The following WDR33 variants were observed in gnomAD, a reference collection of about 807,000 sequenced individuals.
WDR33 encodes WD repeat domain 33, also known as pre-mRNA 3' end processing protein WDR33.
WDR33 carries 47 observed loss-of-function variants against 164.9 expected under a neutral mutation model. The ratio of observed to expected loss-of-function variants is 0.29; its 90% confidence interval spans 0.23 to 0.36. WDR33 has a LOEUF of 0.36. WDR33 is among the 10% of genes least tolerant of loss of function. The pLI, the probability that WDR33 is intolerant of heterozygous loss-of-function variation, is 1.00. For missense variants in WDR33, 1,137 were observed against 1,754.1 expected (o/e 0.65, Z 6.28); for synonymous variants, 505 against 589.0 (o/e 0.86, Z 2.06).
intron 1 of WDR33, among the ~76,000 whole-genome samples, chr2:127,785,890 C>A (rs1056928020): frequency 6.6e-6 from 1 of 152,174 alleles, no homozygotes; most frequent in Non-Finnish European, 1.5e-5. Context: ...TAAGAAACTG[C>A]CTAACTATAT....
At chr2:127,729,351 T>C (rs1223949202) in intron 7 of WDR33, among the ~76,000 whole-genome samples, 2 of 152,208 alleles carry the variant, frequency 1.3e-5, no homozygotes, top group South Asian at 2.1e-4. Context: ...GTGATACTGC[T>C]TTCTTAGATA....
chr2:127,736,867 C>T (rs1006846898), intron 7 of WDR33: 2 of 985,346 alleles, frequency 2.0e-6, no homozygotes. Flanking sequence ...AGGGTATAAA[C>T]AGGAAAGTGC....
chr2:127,798,523 T>C (rs973013927), intron 1 of WDR33, among the ~76,000 whole-genome samples: 3 of 152,132 alleles, frequency 2.0e-5, no homozygotes, highest in Non-Finnish European at 2.9e-5. Context: ...CTTAAGCTTT[T>C]ATGAGCCTCT....
Position 127,764,641 on chromosome 2 carries a change from C to T in WDR33, c.626+187G>A, listed in dbSNP as rs756357692. ...ATTGCAAAGGCTGATACCGGGACAA[C>T]ACTACTTCAGAAAGGTGCCAGCAAA... On this transcript the variant is annotated intron_variant, in intron 6 of 21. Coordinates refer to ENST00000322313, the MANE Select transcript of WDR33 (RefSeq NM_018383.5). The surrounding 1 kb of genome is among the most constrained non-coding windows in gnomAD (Gnocchi z 6.2). 3.1e-5 allele frequency: 48 copies of T among 1,558,762 alleles called. No homozygotes were observed. In the South Asian group the frequency reaches 5.3e-4, roughly 17 times the overall value.
rs1553477296 is a variant in WDR33 at position 127,769,005 on chromosome 2, T to TAAA, written c.205-5_205-4insTTT. ...GGTCTCTTTGCCATATTCTGTTCTGTTAAATAAATAAATAAATAAATAAAT... is the reference window on the plus strand; with the variant it reads ...GGTCTCTTTGCCATATTCTGTTCTGTAAATAAATAAATAAATAAATAAATAAAT... On this transcript the variant is annotated splice_region_variant and splice_polypyrimidine_tract_variant and intron_variant, in intron 2 of 21. Coordinates refer to ENST00000322313, the MANE Select transcript of WDR33 (RefSeq NM_018383.5). 6.6e-6 allele frequency: 6 copies of TAAA among 911,886 alleles called. No homozygotes were observed. Among genetic ancestry groups the TAAA allele is most frequent in the African/African-American group, 5.2e-5 (3 of 57,328 alleles). 56.5% of individuals were successfully genotyped at this position (911,886 alleles called of 1,614,324 possible). A position where few individuals can be genotyped will look rare whatever the true frequency, so the allele number is the denominator to read the frequency against.
In WDR33 at chr2:127,726,970, A is replaced by G. The variant is rs187620434; in HGVS notation, c.725-193T>C. On this transcript the variant is annotated intron_variant, in intron 7 of 21. Coordinates refer to ENST00000322313, the MANE Select transcript of WDR33 (RefSeq NM_018383.5). This position sits in a 1 kb window ranked among gnomAD's most constrained non-coding sequence, Gnocchi z 4.8. Reference sequence around the variant, plus strand: ...CAGTATCCTCTCCTCCTATGTCAAGACACACAGGAGCCAGTCCTCTCCTGG... The same window carrying G: ...CAGTATCCTCTCCTCCTATGTCAAGGCACACAGGAGCCAGTCCTCTCCTGG... 6.6e-6 allele frequency among the ~76,000 whole-genome samples: 1 copy of G among 152,154 alleles called. No homozygotes were observed. The highest frequency in any genetic ancestry group is 1.5e-5 in the Non-Finnish European group (1 of 68,026).
chr2:127,764,600 A>G lies in WDR33; in HGVS notation c.626+228T>C. On this transcript the variant is annotated intron_variant, in intron 6 of 21. Transcript: ENST00000322313. This position sits in a 1 kb window ranked among gnomAD's most constrained non-coding sequence, Gnocchi z 6.2. ...AAAACCAGTGCAAAATGCGGCAGAC[A>G]GTACATCTCTAACATATTGCAAAGG... 3 of 1,552,696 alleles carry G rather than the reference A, an allele frequency of 1.9e-6. No homozygotes were observed. The highest frequency in any genetic ancestry group is 2.6e-6 in the Non-Finnish European group (3 of 1,147,340).
intron 1 of WDR33, among the ~76,000 whole-genome samples, chr2:127,788,384 T>C (rs1184275194): frequency 5.7e-3 from 308 of 54,194 alleles, no homozygotes; most frequent in Admixed American, 0.012. Context: ...GCAGAGGCGC[T>C]CCTCACCTCC....
chr2:127,736,310 G>A, intron 7 of WDR33: 4 of 985,356 alleles, frequency 4.1e-6, no homozygotes, highest in Non-Finnish European at 4.8e-6. Flanking sequence ...GGAAGGGCAT[G>A]TAAAGGGGCC....
At position 127,701,703 on chromosome 2, in the gene WDR33, G is replaced by A; in HGVS notation, c.*4620C>T. Reference sequence around the variant, plus strand: ...CTGGACGTGGGCGCGGAGCCCTGCGGAGTCGGCAGCGGCCGGCCTGACGTG... The same window carrying A: ...CTGGACGTGGGCGCGGAGCCCTGCGAAGTCGGCAGCGGCCGGCCTGACGTG... On this transcript the variant is annotated 3_prime_UTR_variant, in exon 22 of 22. Coordinates refer to ENST00000322313, the MANE Select transcript of WDR33 (RefSeq NM_018383.5). 7.5e-7 allele frequency: 1 copy of A among 1,324,680 alleles called. No homozygotes were observed. Among genetic ancestry groups the A allele is most frequent in the South Asian group, 2.0e-5 (1 of 50,998 alleles). 82.1% of individuals were successfully genotyped at this position (1,324,680 alleles called of 1,614,324 possible). A position where few individuals can be genotyped will look rare whatever the true frequency, so the allele number is the denominator to read the frequency against.
At chr2:127,804,858 A>G (rs1265745881) in intron 1 of WDR33, among the ~76,000 whole-genome samples, 2 of 152,188 alleles carry the variant, frequency 1.3e-5, no homozygotes, top group Non-Finnish European at 2.9e-5. Flanking sequence ...ACATGATGCT[A>G]AAGTTATCAC....
chr2:127,745,254 A>G (rs1316264490), intron 7 of WDR33, among the ~76,000 whole-genome samples: 1 of 152,228 alleles, frequency 6.6e-6, no homozygotes, highest in East Asian at 1.9e-4. Context: ...TAAAAATCAC[A>G]TAACTGTGCT....
intron 7 of WDR33, among the ~76,000 whole-genome samples, chr2:127,750,145 C>T (rs1432903986): frequency 6.6e-6 from 1 of 152,030 alleles, no homozygotes; most frequent in Non-Finnish European, 1.5e-5. Context: ...CTACCTCAGC[C>T]TCCCTGGTAT....
intron 7 of WDR33, chr2:127,737,665 C>A: frequency 1.9e-6 from 2 of 1,040,350 alleles, no homozygotes; most frequent in Non-Finnish European, 2.3e-6. Context: ...GACTGAAGCC[C>A]CTGGTAAGGA....
rs373181229 is a variant in WDR33, at chr2:127,803,774, T to C, written c.-24+7238A>G. Among the ~76,000 whole-genome samples the C allele has an allele frequency of 2.0e-5, 3 of 151,902 alleles. 1 individual carries two copies. The highest frequency in any genetic ancestry group is 7.2e-5 in the African/African-American group (3 of 41,466). ...AAGGAAAGGAAAAGACAAGAAGGAC[T>C]TGGGTTATTGTTTTGCCAAAAAAGC... On this transcript the variant is annotated intron_variant, in intron 1 of 21. Coordinates refer to ENST00000322313, the MANE Select transcript of WDR33 (RefSeq NM_018383.5).
chr2:127,713,059 A>G lies in WDR33; in HGVS notation c.3308+524T>C, dbSNP rs2105374606. ...GGCGTGAGCCACTGGTCCTGGGCTA[A>G]TTCCTGTTTCTTTCTCCACATTTCT... On this transcript the variant is annotated intron_variant, in intron 18 of 21. Coordinates refer to ENST00000322313, the MANE Select transcript of WDR33 (RefSeq NM_018383.5). The surrounding 1 kb of genome is among the most constrained non-coding windows in gnomAD (Gnocchi z 6.2). Among the ~76,000 whole-genome samples the G allele has an allele frequency of 6.6e-6, 1 of 152,318 alleles. No individual in the cohort carries two copies. The highest frequency in any genetic ancestry group is 2.4e-5 in the African/African-American group (1 of 41,562).
chr2:127,737,140 G>C (rs1313045546), intron 7 of WDR33: 1 of 985,144 alleles, frequency 1.0e-6, no homozygotes, highest in East Asian at 1.1e-4. Flanking sequence ...TTTTTTAAAG[G>C]CTACTTTGCA....
At chr2:127,807,786 T>C (rs1689491393) in intron 1 of WDR33, among the ~76,000 whole-genome samples, 1 of 152,172 alleles carries the variant, frequency 6.6e-6, no homozygotes, top group South Asian at 2.1e-4. Flanking sequence ...TACAAAAATA[T>C]AAGGTACTAT....
chr2:127,809,098 C>T (rs180916116), intron 1 of WDR33, among the ~76,000 whole-genome samples: 1 of 148,150 alleles, frequency 6.7e-6, no homozygotes, highest in South Asian at 2.1e-4. Flanking sequence ...TCACTAATAT[C>T]TTTGTCGTAA....
Sources: gnomAD v4.1 joint callset for allele counts (sites outside exome capture counted in the v4.1 genomes callset) on GRCh38, gnomAD v4.1.1 for gene constraint, Gnocchi (gnomAD v3.1) non-coding constraint, MANE v1.5 for transcripts, NCBI Gene and HGNC (gene_info 2026-07-23, HGNC 2026-07-21) for gene names.